The following MS4A10 variants were observed in gnomAD, a reference collection of about 807,000 sequenced individuals.
MS4A10 encodes the protein membrane-spanning 4-domains subfamily A member 10.
A neutral mutation model predicts 27.7 loss-of-function variants in MS4A10; 27 were observed. The observed-to-expected ratio is 0.98, with a 90% CI of 0.72 to 1.35. The LOEUF (loss-of-function observed/expected upper bound fraction) is 1.35, where lower values mean the gene tolerates loss of function less well. MS4A10 is among the 40% of genes most tolerant of loss of function. The pLI, the probability that MS4A10 is intolerant of heterozygous loss-of-function variation, is 0.00. For synonymous variants in MS4A10, 139 were observed against 131.2 expected, an observed-to-expected ratio of 1.06 and a Z score of -0.41; for missense variants, 338 against 324.7, an observed-to-expected ratio of 1.04 and a Z score of -0.32.
At chr11:60,789,465 C>T (rs1005229223) in intron 1 of MS4A10, among the ~76,000 whole-genome samples, 1 of 152,186 alleles carries the variant, frequency 6.6e-6, no homozygotes, top group Non-Finnish European at 1.5e-5. Context: ...GTCGTGTGTC[C>T]AGCCCCCTTC....
chr11:60,798,438 A>C lies in MS4A10; in HGVS notation c.646A>C (p.Lys216Gln), dbSNP rs2134758648. 6.2e-7 allele frequency: 1 copy of C among 1,614,058 alleles called. No individual in the cohort carries two copies. The highest frequency in any genetic ancestry group is 8.5e-7 in the Non-Finnish European group (1 of 1,179,928). ...CLVPNTPLHL[K>Q]GLPVEPPPSY... Reference sequence around the variant, plus strand: ...TGTTCCGAATACACCATTGCATCTCAAAGGCCTGCCGGTGGAGCCCCCGCC... The same window carrying C: ...TGTTCCGAATACACCATTGCATCTCCAAGGCCTGCCGGTGGAGCCCCCGCC... Residue 216 changes from lysine to glutamine, a missense_variant, in exon 7 of 8, where the codon AAA becomes CAA. Lys to Gln is a moderately conservative substitution (Grantham distance 53). Coordinates refer to ENST00000308287, the MANE Select transcript of MS4A10 (RefSeq NM_206893.4).
Position 60,790,382 on chromosome 11 carries a change from TC to T in MS4A10, c.50del (p.Pro17HisfsTer65). On this transcript the variant is annotated frameshift_variant, in exon 2 of 8. Transcript: ENST00000308287. LOFTEE classifies it high-confidence loss of function. ...TVIPSRCARG[L>X]PSWQVLSPVQ... ...ATTCCCAGCCGTTGTGCTAGGGGGCTCCCATCATGGCAAGTCCTCAGCCCAG... is the reference window on the plus strand; with the variant it reads ...ATTCCCAGCCGTTGTGCTAGGGGGCTCCATCATGGCAAGTCCTCAGCCCAG... 1 of 1,614,026 alleles carries T rather than the reference TC, an allele frequency of 6.2e-7. No individual in the cohort carries two copies. Among genetic ancestry groups the T allele is most frequent in the Non-Finnish European group, 8.5e-7 (1 of 1,179,996 alleles).
chr11:60,785,692 G>A (rs750340699), intron 1 of MS4A10, among the ~76,000 whole-genome samples: 1 of 152,132 alleles, frequency 6.6e-6, no homozygotes, highest in African/African-American at 2.4e-5. Context: ...GAAGTAGGGG[G>A]CACCGTCGGC....
chr11:60,790,590 G>A (rs1056694038), intron 2 of MS4A10, 72 bp downstream of exon 2: 1 of 1,541,464 alleles, frequency 6.5e-7, no homozygotes, highest in Non-Finnish European at 8.8e-7. Flanking sequence ...GATGCTGGGG[G>A]GCCCCAAGGG....
chr11:60,797,641 T>C (rs1854552132), intron 6 of MS4A10, among the ~76,000 whole-genome samples: 1 of 152,096 alleles, frequency 6.6e-6, no homozygotes, highest in Non-Finnish European at 1.5e-5. Context: ...CAGGAGAATC[T>C]CCCAATCTCA....
chr11:60,799,386 G>A (rs756437903), intron 7 of MS4A10, among the ~76,000 whole-genome samples: 5 of 152,072 alleles, frequency 3.3e-5, no homozygotes, highest in Non-Finnish European at 7.4e-5. Flanking sequence ...AATGTATTCT[G>A]GTTTTTTTTC....
At chr11:60,797,839 C>T (rs185439409) in intron 6 of MS4A10, among the ~76,000 whole-genome samples, 3 of 152,172 alleles carry the variant, frequency 2.0e-5, no homozygotes, top group Non-Finnish European at 4.4e-5. Flanking sequence ...AAAAAATGAA[C>T]CTTAGAAGAG....
chr11:60,798,481 T>G lies in MS4A10; in HGVS notation c.689T>G (p.Ile230Ser). 6.2e-7 allele frequency: 1 copy of G among 1,614,028 alleles called. No homozygotes were observed. ...VEPPPSYQSV[I>S]QGDAQHKQHQ... ...CCCCCGCCATCCTACCAGAGTGTGA[T>G]TCAAGGCGACGCACAACACAAGCAA... Residue 230 changes from isoleucine (I) to serine (S), a missense_variant, in exon 7 of 8, where the codon ATT becomes AGT. Physicochemically the swap from Ile to Ser is moderately radical, Grantham distance 142. Coordinates refer to ENST00000308287, the MANE Select transcript of MS4A10 (RefSeq NM_206893.4).
chr11:60,786,587 G>A (rs1189355784), intron 1 of MS4A10, among the ~76,000 whole-genome samples: 6 of 151,814 alleles, frequency 4.0e-5, no homozygotes, highest in Admixed American at 3.9e-4. Flanking sequence ...AACCAGACGA[G>A]GACAAGGTGG....
At chr11:60,786,596 G>A (rs1854343066) in intron 1 of MS4A10, among the ~76,000 whole-genome samples, 1 of 151,986 alleles carries the variant, frequency 6.6e-6, no homozygotes, top group African/African-American at 2.4e-5. Flanking sequence ...AGGACAAGGT[G>A]GAGCCTCGCT....
At chr11:60,788,274 A>G (rs1854372644) in intron 1 of MS4A10, among the ~76,000 whole-genome samples, 1 of 152,198 alleles carries the variant, frequency 6.6e-6, no homozygotes, top group Non-Finnish European at 1.5e-5. Flanking sequence ...TGGATTCTTG[A>G]GTCCAACTCC....
chr11:60,798,970 A>G lies in MS4A10; in HGVS notation c.722+456A>G, dbSNP rs1854582044. Among the ~76,000 whole-genome samples the G allele has an allele frequency of 1.3e-5, 2 of 152,158 alleles. 1 individual carries two copies. The highest frequency in any genetic ancestry group is 4.2e-4 in the South Asian group (2 of 4,818). On this transcript the variant is annotated intron_variant, in intron 7 of 7. Transcript: ENST00000308287. ...CACAGGCAGGGGCTTCCCTTGCCTC[A>G]ACCTACTAAGACATCTCTGAGGGAG... is the stretch of plus-strand genomic sequence containing the variant.
At chr11:60,797,446 T>A (rs1000579297) in intron 6 of MS4A10, among the ~76,000 whole-genome samples, 1 of 152,186 alleles carries the variant, frequency 6.6e-6, no homozygotes, top group African/African-American at 2.4e-5. Flanking sequence ...ACTGCATCCC[T>A]TCCGGGGGCA....
At chr11:60,787,153 G>A (rs922107769) in intron 1 of MS4A10, among the ~76,000 whole-genome samples, 1 of 152,130 alleles carries the variant, frequency 6.6e-6, no homozygotes, top group African/African-American at 2.4e-5. Context: ...GGCCCTAGTG[G>A]CAGTGGGTTT....
chr11:60,786,964 C>T (rs1036357867), intron 1 of MS4A10, among the ~76,000 whole-genome samples: 1 of 152,218 alleles, frequency 6.6e-6, no homozygotes, highest in African/African-American at 2.4e-5. Flanking sequence ...TTGCACGGAG[C>T]ACCCATTCTA....
At chr11:60,796,818 C>T (rs1271434383) in intron 6 of MS4A10, among the ~76,000 whole-genome samples, 1 of 151,304 alleles carries the variant, frequency 6.6e-6, no homozygotes, top group African/African-American at 2.4e-5. Flanking sequence ...CTGAACAGTT[C>T]AGGATAAGGA....
chr11:60,797,742 G>A (rs1281560084), intron 6 of MS4A10, among the ~76,000 whole-genome samples: 5 of 152,212 alleles, frequency 3.3e-5, no homozygotes, highest in East Asian at 3.8e-4. Context: ...TCTGGGGGCC[G>A]TGCTTCTCCC....
intron 2 of MS4A10, 91 bp from the exon 3 acceptor site, chr11:60,790,883 C>A: frequency 6.5e-7 from 1 of 1,545,004 alleles, no homozygotes; most frequent in Non-Finnish European, 8.8e-7. Flanking sequence ...AGAAGGGACT[C>A]ACCACAGCCA....
At chr11:60,795,109 C>T (rs938724989) in intron 5 of MS4A10, among the ~76,000 whole-genome samples, 3 of 152,198 alleles carry the variant, frequency 2.0e-5, no homozygotes, top group Admixed American at 6.5e-5. Context: ...CACACACACA[C>T]ATATACATAT....
Sources: gnomAD v4.1 joint callset for allele counts (sites outside exome capture counted in the v4.1 genomes callset) on GRCh38, gnomAD v4.1.1 for gene constraint, MANE v1.5 for transcripts, NCBI Gene and HGNC (gene_info 2026-07-23, HGNC 2026-07-21) for gene names.